DYNC2H1: variants seen among roughly 807,000 people sequenced by gnomAD.
DYNC2H1 encodes dynein cytoplasmic 2 heavy chain 1.
In DYNC2H1, 410 loss-of-function variants were observed where a neutral mutation model predicts 570.0. That is an observed-to-expected ratio of 0.72 (90% CI 0.66 to 0.78). The LOEUF is 0.78. Ranked by LOEUF, DYNC2H1 falls within the 30% of genes least tolerant of loss-of-function variation. The pLI is 0.00. For synonymous variants in DYNC2H1, 1,688 were observed against 1,677.6 expected (o/e 1.01, Z -0.15); for missense variants, 4,865 against 5,046.4 (o/e 0.96, Z 1.09).
chr11:103,187,937 G>A (rs1862141224), intron 43 of DYNC2H1, among the ~76,000 whole-genome samples: 1 of 152,032 alleles, frequency 6.6e-6, no homozygotes, highest in South Asian at 2.1e-4. Context: ...TCTTCTCACT[G>A]CAGTTAGACT....
chr11:103,287,557 C>G lies in DYNC2H1; in HGVS notation c.11047C>G (p.Pro3683Ala), dbSNP rs1236913232. The G allele has an allele frequency of 6.2e-7, 1 of 1,611,592 alleles. No homozygotes were observed. Among genetic ancestry groups the G allele is most frequent in the South Asian group, 1.1e-5 (1 of 90,390 alleles). ...GATTCTTGTAGTACAGGCGCTAAGA[C>G]CGGACAGATTGCAAAGTGCCATGGC... ...QQILVVQALR[P>A]DRLQSAMALF... Residue 3683 changes from proline to alanine, a missense_variant, in exon 75 of 89, where the codon CCG becomes GCG. Pro to Ala is a conservative substitution (Grantham distance 27, BLOSUM62 -1). Coordinates refer to ENST00000375735, the MANE Select transcript of DYNC2H1 (RefSeq NM_001377.3).
chr11:103,120,569 T>A lies in DYNC2H1; in HGVS notation c.1122T>A (p.Asn374Lys), dbSNP rs754799227. ...CTGGCCTGAATCCTGTGCAATATAA[T>A]CCATATACTGAGGTTGTATATATAT... is the stretch of plus-strand genomic sequence containing the variant. ...PFTGLNPVQY[N>K]PYTEPLWKAA... Residue 374 changes from asparagine (N) to lysine (K), a missense_variant, in exon 7 of 89, where the codon AAT (asparagine) becomes AAA (lysine). Asn to Lys is a moderately conservative substitution (Grantham distance 94). This residue lies in a region of DYNC2H1 where 1,936 missense variants were observed against 1,962.1 expected (regional missense o/e 0.99). Transcript: ENST00000375735. 21 of 1,611,712 alleles carry A rather than the reference T, an allele frequency of 1.3e-5. 1 individual carries two copies. In the South Asian group the frequency reaches 2.2e-4, roughly 17 times the overall value.
chr11:103,387,418 T>C (rs1941932709), intron 83 of DYNC2H1, among the ~76,000 whole-genome samples: 1 of 152,184 alleles, frequency 6.6e-6, no homozygotes, highest in Non-Finnish European at 1.5e-5. Context: ...GTCAGATGAG[T>C]AGATTGCAAA....
chr11:103,368,855 C>G (rs971712072), intron 83 of DYNC2H1, among the ~76,000 whole-genome samples: 5 of 151,992 alleles, frequency 3.3e-5, no homozygotes, highest in African/African-American at 1.2e-4. Flanking sequence ...AATGTGTGTT[C>G]TTGGGACCTT....
At chr11:103,304,238 T>G (rs1867176038) in intron 76 of DYNC2H1, among the ~76,000 whole-genome samples, 1 of 152,160 alleles carries the variant, frequency 6.6e-6, no homozygotes. Flanking sequence ...GCAGCGCTGT[T>G]AGGCTCAGGT....
intron 75 of DYNC2H1, among the ~76,000 whole-genome samples, chr11:103,300,789 T>A (rs1867014487): frequency 6.6e-6 from 1 of 151,982 alleles, no homozygotes; most frequent in Non-Finnish European, 1.5e-5. Flanking sequence ...CTCATGAAGT[T>A]TACAGTGTAC....
chr11:103,338,442 G>C (rs1939270987), intron 82 of DYNC2H1, among the ~76,000 whole-genome samples: 1 of 152,120 alleles, frequency 6.6e-6, no homozygotes, highest in African/African-American at 2.4e-5. Context: ...GGATTGCACT[G>C]AATGTGGGTG....
intron 6 of DYNC2H1, among the ~76,000 whole-genome samples, chr11:103,118,354 T>C (rs975410821): frequency 6.6e-6 from 1 of 151,648 alleles, no homozygotes; most frequent in Admixed American, 6.6e-5. Context: ...TTAGAGACTT[T>C]TTTAAAAAAA....
chr11:103,349,670 A>G (rs547053866), intron 82 of DYNC2H1, among the ~76,000 whole-genome samples: 7 of 152,258 alleles, frequency 4.6e-5, no homozygotes, highest in African/African-American at 1.7e-4. Flanking sequence ...TAATAAATAC[A>G]CTTCGGTGAC....
intron 75 of DYNC2H1, among the ~76,000 whole-genome samples, chr11:103,295,242 C>T (rs10895393): frequency 0.17 from 25,147 of 152,150 alleles, 2,265 homozygotes; most frequent in Admixed American, 0.25. Context: ...CCTCTGGCCC[C>T]GGGCTGCTGT....
At chr11:103,411,238 G>A (rs1287153559) in intron 84 of DYNC2H1, among the ~76,000 whole-genome samples, 3 of 152,206 alleles carry the variant, frequency 2.0e-5, no homozygotes, top group African/African-American at 7.2e-5. Context: ...GTTGGCAGAG[G>A]TTTAGTTGGG....
chr11:103,136,088 A>C, intron 17 of DYNC2H1, 140 bp downstream of exon 17: 5 of 645,246 alleles, frequency 7.7e-6, no homozygotes, highest in Non-Finnish European at 9.3e-6. Context: ...GGATTCGTAG[A>C]TACTTATACA....
Position 103,177,691 on chromosome 11 carries a change from A to G in DYNC2H1, c.6010A>G (p.Lys2004Glu). Residue 2004 changes from lysine to glutamate, a missense_variant, in exon 38 of 89, where the codon AAA becomes GAA. This residue lies in a region of DYNC2H1 where 231 missense variants were observed against 310.3 expected (regional missense o/e 0.74). Transcript: ENST00000375735. The surrounding 1 kb of genome is among the most constrained non-coding windows in gnomAD (Gnocchi z 4.4). ...GCTTTGTAAAACTGGCAAAGTAGTG[A>G]AACAATATACTATGAATCCCAAAGC... is the stretch of plus-strand genomic sequence containing the variant. ...AALCKTGKVV[K>E]QYTMNPKAMP... 2 of 1,613,580 alleles carry G rather than the reference A, an allele frequency of 1.2e-6. No individual in the cohort carries two copies. Among genetic ancestry groups the G allele is most frequent in the African/African-American group, 1.3e-5 (1 of 75,024 alleles).
intron 84 of DYNC2H1, among the ~76,000 whole-genome samples, chr11:103,417,997 A>G (rs1160151662): frequency 1.3e-5 from 2 of 152,016 alleles, no homozygotes; most frequent in Admixed American, 6.6e-5. Flanking sequence ...GATTAAAAAA[A>G]AAAAAAAACT....
chr11:103,435,355 T>C (rs1157520581), intron 84 of DYNC2H1, among the ~76,000 whole-genome samples: 1 of 152,144 alleles, frequency 6.6e-6, no homozygotes, highest in Non-Finnish European at 1.5e-5. Context: ...AGGTATATTA[T>C]AATGAACATG....
chr11:103,180,501 A>G (rs1861806497), intron 39 of DYNC2H1, among the ~76,000 whole-genome samples: 2 of 151,706 alleles, frequency 1.3e-5, no homozygotes, highest in South Asian at 4.1e-4. Flanking sequence ...TGTTTGTGAA[A>G]GGCATAATGA....
At position 103,170,982 on chromosome 11, in the gene DYNC2H1, G is replaced by A. The variant is rs1162504657; in HGVS notation, c.5248G>A (p.Val1750Ile). 3.1e-6 allele frequency: 5 copies of A among 1,611,478 alleles called. No individual in the cohort carries two copies. The highest frequency in any genetic ancestry group is 1.7e-5 in the Admixed American group (1 of 59,932). Residue 1750 changes from valine to isoleucine, a missense_variant, in exon 34 of 89, where the codon GTA becomes ATA. Physicochemically the swap from Val to Ile is conservative, Grantham distance 29. Coordinates refer to ENST00000375735, the MANE Select transcript of DYNC2H1 (RefSeq NM_001377.3). This position sits in a 1 kb window ranked among gnomAD's most constrained non-coding sequence, Gnocchi z 4.8. ...FDEFNRLEES[V>I]LSAVSMQIQT... ...TGAATTTAATAGGCTGGAAGAATCT[G>A]TACTGTCAGCAGTTTCTATGCAAAT...
At chr11:103,191,331 G>T (rs528543862) in intron 45 of DYNC2H1, among the ~76,000 whole-genome samples, 186 bp from the exon 46 acceptor site, 1 of 151,914 alleles carries the variant, frequency 6.6e-6, no homozygotes, top group Non-Finnish European at 1.5e-5. Context: ...GAGCAACTGC[G>T]CCCGACCAGA....
rs780723018 is a variant in DYNC2H1, at chr11:103,135,601, A to C, written c.2312A>C (p.Asn771Thr). The change falls in exon 16 of 89, where the codon AAT becomes ACT. Residue 771 changes from asparagine to threonine, a missense_variant. Asn to Thr is a moderately conservative substitution (Grantham distance 65). Around this residue, in one of 5 missense-constraint regions of DYNC2H1, gnomAD observed 1,936 missense variants for 1,962.1 expected, o/e 0.99. Transcript: ENST00000375735. ...ATGGGCTTAGAAGCACTTAATGAGA[A>C]TTTGCCAGAAATAAATATAGACTTA... ...YQMGLEALNE[N>T]LPEINIDLTY... The C allele has an allele frequency of 1.1e-5, 17 of 1,613,222 alleles. No homozygotes were observed. In the East Asian group the frequency reaches 3.8e-4, roughly 36 times the overall value.
Sources: gnomAD v4.1 joint callset for allele counts (sites outside exome capture counted in the v4.1 genomes callset) on GRCh38, gnomAD v4.1.1 for gene constraint, gnomAD v4.1.1 regional missense constraint, Gnocchi (gnomAD v3.1) non-coding constraint, MANE v1.5 for transcripts, NCBI Gene and HGNC (gene_info 2026-07-23, HGNC 2026-07-21) for gene names.